TMEM132D: variants seen among roughly 807,000 people sequenced by gnomAD.
TMEM132D encodes the protein transmembrane protein 132D, also known as mature OL transmembrane protein.
A neutral mutation model predicts 62.3 loss-of-function variants in TMEM132D; 21 were observed. The observed-to-expected ratio is 0.34, with a 90% CI of 0.24 to 0.49. The LOEUF (loss-of-function observed/expected upper bound fraction) is 0.49, where lower values mean the gene tolerates loss of function less well. TMEM132D is among the 20% of genes least tolerant of loss of function. The pLI, the probability that TMEM132D is intolerant of heterozygous loss-of-function variation, is 0.99. For synonymous variants in TMEM132D, 621 were observed against 575.6 expected (o/e 1.08, Z -1.13); for missense variants, 1,346 against 1,402.8 (o/e 0.96, Z 0.65).
chr12:129,083,626 G>A (rs892245806), intron 6 of TMEM132D, among the ~76,000 whole-genome samples: 3 of 152,300 alleles, frequency 2.0e-5, no homozygotes, highest in South Asian at 2.1e-4. Context: ...AAAGGAATGA[G>A]CTTGCAAGGA....
At chr12:129,693,309 T>G (rs1881108793) in intron 2 of TMEM132D, among the ~76,000 whole-genome samples, 1 of 152,138 alleles carries the variant, frequency 6.6e-6, no homozygotes, top group Non-Finnish European at 1.5e-5. Context: ...AAACCCAAAG[T>G]ATAAAATAAA....
chr12:129,587,855 A>AT (rs1250304429), intron 2 of TMEM132D, among the ~76,000 whole-genome samples: 1 of 152,214 alleles, frequency 6.6e-6, no homozygotes, highest in Non-Finnish European at 1.5e-5. Context: ...GATATAAAAA[A>AT]TAAAATCGCA....
intron 2 of TMEM132D, among the ~76,000 whole-genome samples, chr12:129,654,351 G>T (rs1486525322): frequency 6.7e-6 from 1 of 150,356 alleles, no homozygotes; most frequent in East Asian, 2.0e-4. Context: ...ACTATAAGAT[G>T]CTCCTGGTCT....
intron 3 of TMEM132D, among the ~76,000 whole-genome samples, chr12:129,468,185 TTGTG>T (rs34249925): frequency 6.6e-6 from 1 of 151,024 alleles, no homozygotes; most frequent in South Asian, 2.1e-4. Flanking sequence ...ACACAAAGCT[TTGTG>T]TGTGTGTGTG....
intron 2 of TMEM132D, among the ~76,000 whole-genome samples, chr12:129,534,453 T>G (rs954361146): frequency 6.6e-6 from 1 of 151,632 alleles, no homozygotes; most frequent in Admixed American, 6.6e-5. Flanking sequence ...AAATGCAATT[T>G]GTATATACAT....
At chr12:129,670,505 C>G (rs1175402785) in intron 2 of TMEM132D, among the ~76,000 whole-genome samples, 2 of 152,060 alleles carry the variant, frequency 1.3e-5, no homozygotes, top group African/African-American at 2.4e-5. Context: ...CAGGAACTGA[C>G]TCAGTGCAAG....
At chr12:129,817,876 G>A (rs1252594520) in intron 1 of TMEM132D, among the ~76,000 whole-genome samples, 4 of 149,924 alleles carry the variant, frequency 2.7e-5, no homozygotes, top group African/African-American at 9.8e-5. Context: ...GTATGTGTGT[G>A]TGTGTGGTGT....
rs1341326827 is a variant in TMEM132D at position 129,236,103 on chromosome 12, T to TG, written c.1300-26441_1300-26440insC. On this transcript the variant is annotated intron_variant, in intron 4 of 8. Coordinates refer to ENST00000422113, the MANE Select transcript of TMEM132D (RefSeq NM_133448.3). The stretch of plus-strand genomic sequence containing the variant: ...CCAAATAATTTTATTATGATGCTAT[T>TG]TTGTGTGTGTGTGTGTGTGTGTGTG... Among the ~76,000 whole-genome samples the TG allele has an allele frequency of 8.0e-3, 651 of 80,964 alleles. 9 individuals are homozygous for TG. Among genetic ancestry groups the TG allele is most frequent in the African/African-American group, 0.024 (631 of 25,966 alleles). 53.1% of individuals were successfully genotyped at this position (80,964 alleles called of 152,430 possible).
At position 129,903,402 on chromosome 12, in the gene TMEM132D, C is replaced by T; in HGVS notation, c.-63G>A. 1.3e-6 allele frequency: 2 copies of T among 1,519,620 alleles called. No individual in the cohort carries two copies. Among genetic ancestry groups the T allele is most frequent in the Non-Finnish European group, 1.8e-6 (2 of 1,119,272 alleles). The allele number at this position is 1,519,620 out of a possible 1,614,324, so 94.1% of individuals were successfully genotyped here. A position where few individuals can be genotyped will look rare whatever the true frequency, so the allele number is the denominator to read the frequency against. ...GCCGTCCAGGCGAACAAGAGACCGTCTCAGTCCCCTAGAGGCCCGCAGCGG... is the reference window on the plus strand; with the variant it reads ...GCCGTCCAGGCGAACAAGAGACCGTTTCAGTCCCCTAGAGGCCCGCAGCGG... On this transcript the variant is annotated 5_prime_UTR_variant, in exon 1 of 9. Coordinates refer to ENST00000422113, the MANE Select transcript of TMEM132D (RefSeq NM_133448.3). The surrounding 1 kb of genome is among the most constrained non-coding windows in gnomAD (Gnocchi z 6.2).
intron 1 of TMEM132D, among the ~76,000 whole-genome samples, chr12:129,805,353 A>G (rs1375057219): frequency 1.3e-5 from 2 of 152,084 alleles, no homozygotes; most frequent in Non-Finnish European, 2.9e-5. Flanking sequence ...GATATAGACC[A>G]ATGGAACAGA....
chr12:129,410,945 T>C (rs1270578290), intron 3 of TMEM132D, among the ~76,000 whole-genome samples: 1 of 152,214 alleles, frequency 6.6e-6, no homozygotes, highest in East Asian at 1.9e-4. Flanking sequence ...ATTAGTTTCT[T>C]ATATTTAGGT....
intron 4 of TMEM132D, among the ~76,000 whole-genome samples, chr12:129,282,257 T>C (rs1021262362): frequency 2.6e-5 from 4 of 152,146 alleles, no homozygotes; most frequent in Admixed American, 1.3e-4. Flanking sequence ...CCAGGTGGGA[T>C]TGGGAATATG....
intron 4 of TMEM132D, among the ~76,000 whole-genome samples, chr12:129,215,236 G>A (rs1020980028): frequency 2.6e-5 from 4 of 152,106 alleles, no homozygotes; most frequent in Admixed American, 6.6e-5. Context: ...ACCTGTTCTC[G>A]CTTATACCAC....
chr12:129,850,414 G>A (rs546470712), intron 1 of TMEM132D, among the ~76,000 whole-genome samples: 130 of 152,314 alleles, frequency 8.5e-4, no homozygotes, highest in Middle Eastern at 6.8e-3. Flanking sequence ...AAGTTCACGG[G>A]AAACTTGGCC....
At chr12:129,464,463 C>G (rs192485912) in intron 3 of TMEM132D, among the ~76,000 whole-genome samples, 55 of 152,286 alleles carry the variant, frequency 3.6e-4, no homozygotes, top group African/African-American at 1.3e-3. Flanking sequence ...TGTGCAGAAG[C>G]TCTTGAGTTT....
intron 2 of TMEM132D, among the ~76,000 whole-genome samples, chr12:129,546,196 C>A (rs1476382549): frequency 6.6e-6 from 1 of 152,056 alleles, no homozygotes; most frequent in African/African-American, 2.4e-5. Context: ...GCCCTGCAAT[C>A]ATAACCAAGA....
At chr12:129,218,582 G>A (rs999904114) in intron 4 of TMEM132D, among the ~76,000 whole-genome samples, 2 of 152,190 alleles carry the variant, frequency 1.3e-5, no homozygotes, top group East Asian at 1.9e-4. Flanking sequence ...AGTGGTATAC[G>A]CAGTTCATTG....
intron 3 of TMEM132D, among the ~76,000 whole-genome samples, chr12:129,399,396 C>T (rs368753661): frequency 6.6e-6 from 1 of 152,076 alleles, no homozygotes; most frequent in Admixed American, 6.6e-5. Context: ...ATAACCAACC[C>T]ACTCCTGCAA....
chr12:129,841,317 GA>G (rs953202759), intron 1 of TMEM132D, among the ~76,000 whole-genome samples: 11 of 146,262 alleles, frequency 7.5e-5, no homozygotes, highest in South Asian at 2.2e-4. Context: ...GATTAAAAAA[GA>G]AAAAAAAAAG....
Sources: allele counts gnomAD v4.1 joint callset (sites outside exome capture counted in the v4.1 genomes callset), GRCh38; gene constraint gnomAD v4.1.1; non-coding constraint Gnocchi (gnomAD v3.1); transcripts MANE v1.5; gene names NCBI Gene and HGNC (gene_info 2026-07-23, HGNC 2026-07-21).